The following IDH1 variants were observed in gnomAD, a reference collection of about 807,000 sequenced individuals.
The protein encoded by IDH1 is isocitrate dehydrogenase [NADP] cytoplasmic.
A neutral mutation model predicts 46.1 loss-of-function variants in IDH1; 33 were observed. The observed-to-expected ratio is 0.72, with a 90% confidence interval of 0.54 to 0.96. The LOEUF (loss-of-function observed/expected upper bound fraction) is 0.96. IDH1 is among the 40% of genes least tolerant of loss of function. IDH1 has a pLI of 0.00. For synonymous variants in IDH1, 144 were observed against 172.8 expected (o/e 0.83, Z 1.31); for missense variants, 421 against 515.7 (o/e 0.82, Z 1.78).
intron 4 of IDH1, among the ~76,000 whole-genome samples, chr2:208,246,160 T>C (rs530118579): frequency 6.6e-6 from 1 of 152,152 alleles, no homozygotes; most frequent in Non-Finnish European, 1.5e-5. Flanking sequence ...GGGATGATGA[T>C]GATTTTTAGG....
rs1688060762 is a variant in IDH1, at chr2:208,248,380, A to G, written c.403T>C (p.Tyr135His). 6.2e-7 allele frequency: 1 copy of G among 1,613,442 alleles called. No individual in the cohort carries two copies. The highest frequency in any genetic ancestry group is 1.3e-5 in the African/African-American group (1 of 74,784). ...VKPIIIGRHA[Y>H]GDQYRATDFV... ...CCAACATGACTTACTTGATCCCCAT[A>G]AGCATGACGACCTATGATGATAGGT... The change falls in exon 4 of 10, where the codon TAT (tyrosine) becomes CAT (histidine). Residue 135 changes from tyrosine to histidine, a missense_variant. By Grantham distance (83) the Tyr-to-His change is moderately conservative. Transcript: ENST00000345146.
At chr2:208,243,910 TAAGAA>T (rs774687158) in intron 5 of IDH1, among the ~76,000 whole-genome samples, 3 of 152,218 alleles carry the variant, frequency 2.0e-5, no homozygotes, top group Non-Finnish European at 4.4e-5. Flanking sequence ...GAAATACATT[TAAGAA>T]AAGGCAAATA....
rs1490564315 is a variant in IDH1 at position 208,236,509 on chromosome 2, T to C, written c.*570A>G. On this transcript the variant is annotated 3_prime_UTR_variant, in exon 10 of 10. Coordinates refer to ENST00000345146, the MANE Select transcript of IDH1 (RefSeq NM_005896.4). The stretch of plus-strand genomic sequence containing the variant: ...CCAAACTCTCCTGCGGCCTAAACAG[T>C]ATTTAGTCTATTGGAAACATTCAGC... The C allele has an allele frequency of 4.3e-6, 1 of 234,496 alleles. No individual in the cohort carries two copies. Among genetic ancestry groups the C allele is most frequent in the East Asian group, 6.1e-5 (1 of 16,430 alleles). 14.5% of individuals were successfully genotyped at this position (234,496 alleles called of 1,614,324 possible). A position where few individuals can be genotyped will look rare whatever the true frequency, so the allele number is the denominator to read the frequency against.
chr2:208,246,921 C>T (rs1040140165), intron 4 of IDH1, among the ~76,000 whole-genome samples: 5 of 152,044 alleles, frequency 3.3e-5, no homozygotes, highest in Middle Eastern at 3.2e-3. Flanking sequence ...CCAGCCTGGG[C>T]GACAGAGCGA....
chr2:208,237,647 C>CT (rs1159167843), intron 9 of IDH1, among the ~76,000 whole-genome samples: 1 of 151,782 alleles, frequency 6.6e-6, no homozygotes, highest in Non-Finnish European at 1.5e-5. Context: ...CAGGCCGGGC[C>CT]TGGTGGCTCA....
rs199793362 is a variant in IDH1 at position 208,242,048 on chromosome 2, T to C, written c.796A>G (p.Ile266Val). 2 of 1,613,248 alleles carry C rather than the reference T, an allele frequency of 1.2e-6. No individual in the cohort carries two copies. Among genetic ancestry groups the C allele is most frequent in the East Asian group, 4.5e-5 (2 of 44,882 alleles). ...CCATCATAGTTTTTACAGGCCCAGA[T>C]GAAGCCTCCCTCTGATTTCATAGCT... ...AQAMKSEGGF[I>V]WACKNYDGDV... Residue 266 changes from isoleucine to valine, a missense_variant, in exon 7 of 10, where the codon ATC (isoleucine) becomes GTC (valine). Coordinates refer to ENST00000345146, the MANE Select transcript of IDH1 (RefSeq NM_005896.4).
intron 4 of IDH1, chr2:208,248,137 C>T (rs1045131618): frequency 2.1e-5 from 12 of 569,476 alleles, no homozygotes; most frequent in African/African-American, 1.5e-4. Context: ...AAAAAAACAG[C>T]ATGTTTGAAA....
In IDH1 at chr2:208,245,406, C is replaced by T; in HGVS notation, c.433G>A (p.Val145Ile). The part of the protein sequence containing the change: ...YGDQYRATDF[V>I]VPGPGKVEIT... Reference sequence around the variant, plus strand: ...TCTACTTTTCCAGGCCCAGGAACAACAAAATCAGTTGCTCTGTACTGTGTA... The same window carrying T: ...TCTACTTTTCCAGGCCCAGGAACAATAAAATCAGTTGCTCTGTACTGTGTA... The change falls in exon 5 of 10, where the codon GTT (valine) becomes ATT (isoleucine). Residue 145 changes from valine to isoleucine, a missense_variant. By Grantham distance (29) the Val-to-Ile change is conservative. Coordinates refer to ENST00000345146, the MANE Select transcript of IDH1 (RefSeq NM_005896.4). The T allele has an allele frequency of 1.2e-6, 2 of 1,605,648 alleles. No individual in the cohort carries two copies. The highest frequency in any genetic ancestry group is 1.7e-5 in the Admixed American group (1 of 59,548).
At chr2:208,252,176 G>A (rs943781278) in intron 2 of IDH1, among the ~76,000 whole-genome samples, 1 of 152,248 alleles carries the variant, frequency 6.6e-6, no homozygotes, top group African/African-American at 2.4e-5. Context: ...CTAAAAGCGA[G>A]ACGAAGAATT....
rs34363027 is a variant in IDH1 at position 208,245,546 on chromosome 2, C to CTTTT, written c.415-126_415-123dup. 20,378 of 331,172 alleles carry CTTTT rather than the reference C, an allele frequency of 0.062. 322 individuals carry two copies. Among genetic ancestry groups the CTTTT allele is most frequent in the Non-Finnish European group, 0.073 (13,304 of 181,040 alleles). The allele number at this position is 331,172 out of a possible 1,614,324, so 20.5% of individuals were successfully genotyped here. On this transcript the variant is annotated intron_variant, in intron 4 of 9. Coordinates refer to ENST00000345146, the MANE Select transcript of IDH1 (RefSeq NM_005896.4). ...ACAAATAGGGCAGTATGTCAAACTT[C>CTTTT]TTTTTTTTTTTTTTTTTTTAGGAGA... is the stretch of plus-strand genomic sequence containing the variant.
chr2:208,238,238 T>G (rs1687853095), intron 9 of IDH1, among the ~76,000 whole-genome samples: 1 of 152,048 alleles, frequency 6.6e-6, no homozygotes, highest in African/African-American at 2.4e-5. Context: ...GGTTTCACTG[T>G]GTTAGCCAGG....
chr2:208,239,989 C>T lies in IDH1; in HGVS notation c.865G>A (p.Gly289Ser), dbSNP rs1687888372. ...CAAACCAGCACGCTGGTCATCATGC[C>T]GAGAGAGCCATACCCTGTAAGTAGT... ...DSVAQGYGSLGMMTSVLVCPD... is the reference protein window; with the variant it reads ...DSVAQGYGSLSMMTSVLVCPD... The change falls in exon 8 of 10, where the codon GGC becomes AGC. Residue 289 changes from glycine (G) to serine (S), a missense_variant. Coordinates refer to ENST00000345146, the MANE Select transcript of IDH1 (RefSeq NM_005896.4). 3 of 1,614,116 alleles carry T rather than the reference C, an allele frequency of 1.9e-6. No homozygotes were observed. The highest frequency in any genetic ancestry group is 1.1e-5 in the South Asian group (1 of 91,070).
chr2:208,248,099 T>C, intron 4 of IDH1: 1 of 495,668 alleles, frequency 2.0e-6, no homozygotes. Flanking sequence ...CAATATCATA[T>C]GGTATAACTG....
intron 5 of IDH1, 79 bp from the exon 6 acceptor site, chr2:208,243,683 A>C (rs1488751109): frequency 7.0e-6 from 8 of 1,145,946 alleles, no homozygotes; most frequent in Admixed American, 1.8e-5. Context: ...AAAATCACCC[A>C]CCACAACCAA....
At chr2:208,238,481 A>G (rs911749271) in intron 9 of IDH1, among the ~76,000 whole-genome samples, 16 of 152,226 alleles carry the variant, frequency 1.1e-4, no homozygotes, top group Non-Finnish European at 2.2e-4. Flanking sequence ...ACTGGCTACT[A>G]TGTTCTCAGA....
intron 4 of IDH1, 122 bp from the exon 5 acceptor site, chr2:208,245,546 C>CTTTTT (rs34363027): frequency 4.5e-3 from 1,501 of 335,262 alleles, no homozygotes; most frequent in Middle Eastern, 6.1e-3. Flanking sequence ...TGTCAAACTT[C>CTTTTT]TTTTTTTTTT....
rs375159545 is a variant in IDH1, at chr2:208,240,010, G to A, written c.851-7C>T. 1.9e-6 allele frequency: 3 copies of A among 1,614,058 alleles called. No homozygotes were observed. In the African/African-American group the frequency reaches 4.0e-5, roughly 22 times the overall value. On this transcript the variant is annotated splice_polypyrimidine_tract_variant and splice_region_variant and intron_variant, in intron 7 of 9. Coordinates refer to ENST00000345146, the MANE Select transcript of IDH1 (RefSeq NM_005896.4). ...ATGCCGAGAGAGCCATACCCTGTAA[G>A]TAGTGGAGCATGAAGCGTTGGGTCC...
At position 208,237,719 on chromosome 2, in the gene IDH1, G is replaced by T. The variant is rs981796355; in HGVS notation, c.1155-550C>A. Among the ~76,000 whole-genome samples the T allele has an allele frequency of 2.8e-5, 4 of 143,546 alleles. No individual in the cohort carries two copies. The South Asian group carries it at 8.8e-4, about 32-fold the overall frequency. The allele number at this position is 143,546 out of a possible 152,430, so 94.2% of individuals were successfully genotyped here. ...GTGGATCATGAGGTCAGGAGATGGA[G>T]ACCATCCTGGCTAACAAAGTGAAAC... On this transcript the variant is annotated intron_variant, in intron 9 of 9. Transcript: ENST00000345146.
At chr2:208,247,936 G>A (rs186497092) in intron 4 of IDH1, 1 of 231,250 alleles carries the variant, frequency 4.3e-6, no homozygotes, top group Non-Finnish European at 8.5e-6. Context: ...TTTGTGTAGG[G>A]TGGTACTCAA....
Sources: gnomAD v4.1 joint callset for allele counts (sites outside exome capture counted in the v4.1 genomes callset) on GRCh38, gnomAD v4.1.1 for gene constraint, MANE v1.5 for transcripts, NCBI Gene and HGNC (gene_info 2026-07-23, HGNC 2026-07-21) for gene names.